Variants in PPP2R5E observed in about 807,000 individuals in gnomAD.
PPP2R5E encodes the protein serine/threonine-protein phosphatase 2A 56 kDa regulatory subunit epsilon isoform.
A neutral mutation model predicts 65.3 loss-of-function variants in PPP2R5E; 4 were observed. That is an observed-to-expected ratio of 0.06 (90% CI 0.03 to 0.14). The LOEUF is 0.14. Among genes scored for constraint, PPP2R5E ranks in the 10% least tolerant of loss-of-function variants. PPP2R5E has a pLI of 1.00. For missense variants in PPP2R5E, 274 were observed against 556.1 expected, an observed-to-expected ratio of 0.49 and a Z score of 5.10; for synonymous variants, 183 against 187.4, an observed-to-expected ratio of 0.98 and a Z score of 0.19.
chr14:63,453,032 A>G (rs1888929300), intron 3 of PPP2R5E: 2 of 152,236 alleles, frequency 1.3e-5, no homozygotes. Flanking sequence ...TCCCACAGAA[A>G]TCTATCAGAA....
At chr14:63,449,969 A>C (rs1255249183) in intron 3 of PPP2R5E, among the ~76,000 whole-genome samples, 1 of 141,206 alleles carries the variant, frequency 7.1e-6, no homozygotes, top group Non-Finnish European at 1.5e-5. Context: ...TCCACCACCC[A>C]GGTTCAAGCG....
At chr14:63,510,894 T>A (rs1445021742) in intron 2 of PPP2R5E, among the ~76,000 whole-genome samples, 4 of 152,216 alleles carry the variant, frequency 2.6e-5, no homozygotes, top group Non-Finnish European at 5.9e-5. Flanking sequence ...GGGAACCTGT[T>A]GGGAGGCAAA....
chr14:63,391,587 C>T (rs1469191112), intron 10 of PPP2R5E, among the ~76,000 whole-genome samples: 2 of 152,090 alleles, frequency 1.3e-5, no homozygotes, highest in African/African-American at 4.8e-5. Context: ...CCACGCCTGG[C>T]TAATTTTGTA....
intron 2 of PPP2R5E, among the ~76,000 whole-genome samples, chr14:63,517,541 G>A (rs1892714384): frequency 6.6e-6 from 1 of 152,178 alleles, no homozygotes; most frequent in Non-Finnish European, 1.5e-5. Context: ...AATCATGGAT[G>A]ATGCTTTCTT....
At chr14:63,478,774 C>T (rs2139586301) in intron 2 of PPP2R5E, among the ~76,000 whole-genome samples, 1 of 152,196 alleles carries the variant, frequency 6.6e-6, no homozygotes, top group African/African-American at 2.4e-5. Flanking sequence ...TGCTGACTTA[C>T]CCTGAGAGGA....
intron 3 of PPP2R5E, among the ~76,000 whole-genome samples, chr14:63,427,245 CTATT>C (rs915265669): frequency 2.0e-5 from 3 of 152,240 alleles, no homozygotes; most frequent in Admixed American, 1.3e-4. Context: ...CAAACGGTCT[CTATT>C]ATATTAAAAT....
At chr14:63,455,290 C>A (rs1415884787) in intron 2 of PPP2R5E, among the ~76,000 whole-genome samples, 1 of 152,220 alleles carries the variant, frequency 6.6e-6, no homozygotes, top group Non-Finnish European at 1.5e-5. Context: ...TCGGACCTCA[C>A]AGGCAATTCT....
At chr14:63,528,062 TAA>T (rs957604549) in intron 2 of PPP2R5E, among the ~76,000 whole-genome samples, 11 of 151,084 alleles carry the variant, frequency 7.3e-5, no homozygotes, top group Admixed American at 5.3e-4. Context: ...AGATTCCATA[TAA>T]GTTTTCAAAA....
At chr14:63,444,521 T>C (rs1269080092) in intron 3 of PPP2R5E, among the ~76,000 whole-genome samples, 1 of 151,956 alleles carries the variant, frequency 6.6e-6, no homozygotes, top group Non-Finnish European at 1.5e-5. Flanking sequence ...GTCATTTAAA[T>C]AAACATTAAG....
chr14:63,496,169 T>C (rs1229352853), intron 2 of PPP2R5E, among the ~76,000 whole-genome samples: 1 of 152,170 alleles, frequency 6.6e-6, no homozygotes, highest in Non-Finnish European at 1.5e-5. Context: ...GTTCACCGTT[T>C]ATCCAGCAAC....
At chr14:63,478,940 T>C (rs1890552705) in intron 2 of PPP2R5E, among the ~76,000 whole-genome samples, 1 of 129,748 alleles carries the variant, frequency 7.7e-6, no homozygotes, top group Non-Finnish European at 1.5e-5. Flanking sequence ...CTGGCCAATA[T>C]GGTGAAACCC....
At position 63,391,680 on chromosome 14, in the gene PPP2R5E, C is replaced by T. The variant is rs1885032298; in HGVS notation, c.954+137G>A. 1.3e-5 allele frequency: 12 copies of T among 910,972 alleles called. No homozygotes were observed. The South Asian group carries it at 2.1e-4, about 16-fold the overall frequency. 56.4% of individuals were successfully genotyped at this position (910,972 alleles called of 1,614,324 possible). A position where few individuals can be genotyped will look rare whatever the true frequency, so the allele number is the denominator to read the frequency against. On this transcript the variant is annotated intron_variant, in intron 10 of 13. Coordinates refer to ENST00000337537, the MANE Select transcript of PPP2R5E (RefSeq NM_006246.5). ...TCAGGTGATCTGCCCGCCTCGGCCT[C>T]CCAAAGTGCTGGGATTACAGGCATG...
chr14:63,430,353 A>ACATACATACATACATGCATG (rs1566696281), intron 3 of PPP2R5E, among the ~76,000 whole-genome samples: 24 of 132,306 alleles, frequency 1.8e-4, no homozygotes, highest in South Asian at 6.8e-4. Context: ...ATGTATACAT[A>ACATACATACATACATGCATG]CATACATACA....
chr14:63,393,144 C>G (rs1007343585), intron 8 of PPP2R5E, among the ~76,000 whole-genome samples: 1 of 152,096 alleles, frequency 6.6e-6, no homozygotes. Flanking sequence ...TAGGATGGAA[C>G]AAAATATTCA....
At chr14:63,540,208 A>C (rs1326791510) in intron 1 of PPP2R5E, among the ~76,000 whole-genome samples, 3 of 151,708 alleles carry the variant, frequency 2.0e-5, no homozygotes, top group African/African-American at 4.8e-5. Flanking sequence ...AGGTGGGTGG[A>C]TCACTTGAGG....
chr14:63,529,952 A>C (rs1893343844), intron 2 of PPP2R5E, among the ~76,000 whole-genome samples: 5 of 152,210 alleles, frequency 3.3e-5, no homozygotes, highest in Admixed American at 2.6e-4. Flanking sequence ...GCATATGTGC[A>C]CACAGAGCAG....
chr14:63,531,445 T>C (rs985898776), intron 2 of PPP2R5E, among the ~76,000 whole-genome samples: 10 of 151,296 alleles, frequency 6.6e-5, no homozygotes, highest in African/African-American at 2.0e-4. Context: ...TGTGCACATG[T>C]ACCCTAAAAC....
Position 63,421,508 on chromosome 14 carries a change from C to G in PPP2R5E, c.456+485G>C, listed in dbSNP as rs115609942. 5.4e-3 allele frequency among the ~76,000 whole-genome samples: 817 copies of G among 152,332 alleles called. 11 individuals carry two copies. The highest frequency in any genetic ancestry group is 0.019 in the African/African-American group (778 of 41,566). ...TACCCAAGCTTTCTCTCAGCTGTTA[C>G]TCTTCCTTACAGTACTGTGAACGAA... On this transcript the variant is annotated intron_variant, in intron 4 of 13. Transcript: ENST00000337537.
chr14:63,404,955 G>A (rs1405121659), intron 5 of PPP2R5E, among the ~76,000 whole-genome samples: 2 of 152,160 alleles, frequency 1.3e-5, no homozygotes, highest in Non-Finnish European at 2.9e-5. Context: ...AAATAAACAT[G>A]CGGTGGTCCC....
Sources: allele counts gnomAD v4.1 joint callset (sites outside exome capture counted in the v4.1 genomes callset), GRCh38; gene constraint gnomAD v4.1.1; transcripts MANE v1.5; gene names NCBI Gene and HGNC (gene_info 2026-07-23, HGNC 2026-07-21).